Variants in ACYP2 observed in about 807,000 individuals in gnomAD.
The protein encoded by ACYP2 is acylphosphatase-2.
ACYP2 carries 12 observed loss-of-function variants against 11.2 expected under a neutral mutation model. The observed-to-expected ratio is 1.08, with a 90% CI of 0.69 to 1.74. The LOEUF is 1.74. ACYP2 is among the 40% of genes most tolerant of loss of function. The probability of loss-of-function intolerance (pLI) is 0.00; values close to 1 mark genes in which losing one functional copy is unlikely to be tolerated. For synonymous variants in ACYP2, 43 were observed against 32.2 expected (o/e 1.33, Z -1.13); for missense variants, 134 against 101.9 (o/e 1.31, Z -1.35).
At chr2:54,037,549 C>A (rs1318059094) in intron 2 of ACYP2, among the ~76,000 whole-genome samples, 1 of 151,962 alleles carries the variant, frequency 6.6e-6, no homozygotes, top group African/African-American at 2.4e-5. Flanking sequence ...TAGTTAGGAC[C>A]ACAGTGAACC....
intron 6 of ACYP2, among the ~76,000 whole-genome samples, chr2:54,235,569 C>T (rs1035889611): frequency 6.6e-6 from 1 of 152,156 alleles, no homozygotes; most frequent in African/African-American, 2.4e-5. Context: ...CCAGGATGGT[C>T]TCGATCTCCT....
chr2:54,014,161 GAA>G (rs890428878), intron 2 of ACYP2, among the ~76,000 whole-genome samples: 1 of 143,466 alleles, frequency 7.0e-6, no homozygotes, highest in Non-Finnish European at 1.5e-5. Flanking sequence ...AACTCCGTCT[GAA>G]AAAAAAAAAG....
At chr2:54,225,788 AT>A (rs138066573) in intron 6 of ACYP2, among the ~76,000 whole-genome samples, 127 of 150,044 alleles carry the variant, frequency 8.5e-4, no homozygotes, top group Admixed American at 3.5e-3. Context: ...TACCTTAAGT[AT>A]TTTTTTTTTA....
At chr2:54,017,276 T>TCTTTTC (rs1463460948) in intron 2 of ACYP2, among the ~76,000 whole-genome samples, 5 of 140,154 alleles carry the variant, frequency 3.6e-5, no homozygotes, top group African/African-American at 1.4e-4. Context: ...TCTTTTCTTT[T>TCTTTTC]TTTTTTTTTT....
intron 6 of ACYP2, chr2:54,141,895 T>TGGTCTGATCTAGACTCACTGCAGC: frequency 1.6e-6 from 1 of 641,038 alleles, no homozygotes; most frequent in Middle Eastern, 2.4e-4. Flanking sequence ...TGGAGTGCAG[T>TGGTCTGATCTAGACTCACTGCAGC]GGTCTGATCT....
intron 2 of ACYP2, among the ~76,000 whole-genome samples, chr2:54,033,852 TC>T (rs1356172273): frequency 6.6e-6 from 1 of 152,188 alleles, no homozygotes; most frequent in Admixed American, 6.5e-5. Flanking sequence ...AATGATTTTT[TC>T]TCCCTAGATT....
At chr2:54,017,272 C>CTTTTCTTTTTTTTTTTTTTTT (rs764249106) in intron 2 of ACYP2, among the ~76,000 whole-genome samples, 1 of 123,138 alleles carries the variant, frequency 8.1e-6, no homozygotes, top group Non-Finnish European at 1.6e-5. Flanking sequence ...CTTTTCTTTT[C>CTTTTCTTTTTTTTTTTTTTTT]TTTTTTTTTT....
intron 6 of ACYP2, among the ~76,000 whole-genome samples, chr2:54,155,422 T>C (rs1022752679): frequency 1.3e-5 from 2 of 152,098 alleles, no homozygotes; most frequent in Non-Finnish European, 2.9e-5. Flanking sequence ...ACTGCAGGGG[T>C]CCCCAACCCT....
chr2:54,012,492 G>C (rs148847123), intron 2 of ACYP2, among the ~76,000 whole-genome samples: 1 of 152,308 alleles, frequency 6.6e-6, no homozygotes, highest in African/African-American at 2.4e-5. Flanking sequence ...CTCTAGCCTA[G>C]GCATGAGCAA....
intron 6 of ACYP2, among the ~76,000 whole-genome samples, chr2:54,212,139 T>A (rs1339594427): frequency 3.3e-5 from 5 of 152,110 alleles, no homozygotes; most frequent in African/African-American, 1.2e-4. Context: ...AAATTTTGGA[T>A]TTTTTTTAAA....
chr2:54,225,902 T>C (rs898197238), intron 6 of ACYP2, among the ~76,000 whole-genome samples: 2 of 152,168 alleles, frequency 1.3e-5, no homozygotes, highest in Admixed American at 6.5e-5. Context: ...ATAGTATAAG[T>C]TGCTAACCTA....
intron 4 of ACYP2, among the ~76,000 whole-genome samples, chr2:54,087,495 T>G (rs1403469674): frequency 6.6e-6 from 1 of 152,106 alleles, no homozygotes. Context: ...ATTATAGACA[T>G]GTGCCACCAT....
At chr2:53,996,578 C>G (rs1380606759) in intron 2 of ACYP2, among the ~76,000 whole-genome samples, 1 of 152,182 alleles carries the variant, frequency 6.6e-6, no homozygotes, top group South Asian at 2.1e-4. Context: ...CTGCCATGAT[C>G]AGCCACTGGT....
intron 2 of ACYP2, among the ~76,000 whole-genome samples, chr2:54,024,747 A>G (rs893585957): frequency 1.7e-4 from 26 of 152,180 alleles, no homozygotes; most frequent in African/African-American, 6.3e-4. Flanking sequence ...GCACAATCAT[A>G]CAAGAGAAAG....
At chr2:54,293,961 A>G (rs1018445161) in intron 6 of ACYP2, among the ~76,000 whole-genome samples, 2 of 152,266 alleles carry the variant, frequency 1.3e-5, no homozygotes, top group Non-Finnish European at 2.9e-5. Flanking sequence ...TCCTTCCATT[A>G]TTAATGCTAG....
At chr2:54,043,855 C>T (rs899608827) in intron 2 of ACYP2, among the ~76,000 whole-genome samples, 4 of 152,092 alleles carry the variant, frequency 2.6e-5, no homozygotes, top group Admixed American at 6.6e-5. Flanking sequence ...TGAAGAGTCT[C>T]GGCTGGGGGC....
chr2:54,208,112 CAG>C (rs1051292754), intron 6 of ACYP2, among the ~76,000 whole-genome samples: 14 of 152,052 alleles, frequency 9.2e-5, no homozygotes, highest in Admixed American at 6.5e-4. Context: ...AAGATCCAGT[CAG>C]AGTCTTCAGT....
chr2:54,031,953 G>A (rs898033499), intron 2 of ACYP2, among the ~76,000 whole-genome samples: 16 of 152,160 alleles, frequency 1.1e-4, no homozygotes, highest in African/African-American at 2.7e-4. Context: ...CATATCCTTC[G>A]CCCACTTTTT....
At chr2:54,037,834 C>A (rs747710427) in intron 2 of ACYP2, among the ~76,000 whole-genome samples, 23 of 152,108 alleles carry the variant, frequency 1.5e-4, no homozygotes, top group Non-Finnish European at 2.5e-4. Flanking sequence ...ATGGTCATAT[C>A]AGAAGATTGA....
Sources: allele counts gnomAD v4.1 joint callset (sites outside exome capture counted in the v4.1 genomes callset), GRCh38; gene constraint gnomAD v4.1.1; transcripts MANE v1.5; gene names NCBI Gene and HGNC (gene_info 2026-07-23, HGNC 2026-07-21).